Variants in FFAR1 observed in about 807,000 individuals in gnomAD.
The protein encoded by FFAR1 is G-protein coupled receptor 40.
For missense variants in FFAR1, 424 were observed against 396.2 expected (o/e 1.07, Z -0.60); for synonymous variants, 216 against 201.5 (o/e 1.07, Z -0.61).
At chr19:35,352,034 C>A in exon 1 of FFAR1, 1 of 1,614,054 alleles carries the variant, frequency 6.2e-7, no homozygotes, top group Non-Finnish European at 8.5e-7. Flanking sequence ...TGGGCATCAA[C>A]ACACCGGTCA....
At chr19:35,350,604 A>G (rs1328047903), upstream of FFAR1, among the ~76,000 whole-genome samples, 1 of 152,044 alleles carries the variant, frequency 6.6e-6, no homozygotes, top group Non-Finnish European at 1.5e-5. Context: ...CAGGACCCCA[A>G]TTCCTCCCTG....
chr19:35,348,076 G>A (rs1188192280), upstream of FFAR1, among the ~76,000 whole-genome samples: 1 of 152,220 alleles, frequency 6.6e-6, no homozygotes, highest in African/African-American at 2.4e-5. Context: ...GAGGGCAGGG[G>A]TGTAATTATC....
chr19:35,350,511 G>A (rs568519616), upstream of FFAR1, among the ~76,000 whole-genome samples: 1 of 152,284 alleles, frequency 6.6e-6, no homozygotes, highest in East Asian at 1.9e-4. Flanking sequence ...GGAGGGCTGG[G>A]GAGGGAATAG....
At chr19:35,351,757 C>A (rs1344990107) in exon 1 of FFAR1, 1 of 1,567,008 alleles carries the variant, frequency 6.4e-7, no homozygotes, top group Admixed American at 1.9e-5. Flanking sequence ...GCGCTAGCCT[C>A]CGGGGCCTGG....
chr19:35,351,926 G>T (rs1287654084), exon 1 of FFAR1: 1 of 1,614,146 alleles, frequency 6.2e-7, no homozygotes, highest in Admixed American at 1.7e-5. Flanking sequence ...ATTCCTGGGG[G>T]GTGTGCGCGG....
upstream of FFAR1, among the ~76,000 whole-genome samples, chr19:35,348,685 C>T (rs1252223458): frequency 6.6e-6 from 1 of 152,176 alleles, no homozygotes; most frequent in East Asian, 1.9e-4. Context: ...TCATTCAACT[C>T]TTTCTTCATT....
At chr19:35,348,862 C>T (rs2066932594), upstream of FFAR1, among the ~76,000 whole-genome samples, 1 of 152,200 alleles carries the variant, frequency 6.6e-6, no homozygotes, top group South Asian at 2.1e-4. Flanking sequence ...AGTCCTAAGC[C>T]TGAAGGGCCT....
upstream of FFAR1, chr19:35,351,535 G>GCC: frequency 6.5e-7 from 1 of 1,538,496 alleles, no homozygotes; most frequent in South Asian, 1.2e-5. Context: ...AGCCGTGCAG[G>GCC]CCAGGACGGC....
Position 35,351,580 on chromosome 19 carries a change from G to C in FFAR1, c.29G>C (p.Gly10Ala), listed in dbSNP as rs1331102167. The change falls in exon 1 of 1, where the codon GGC (glycine) becomes GCC (alanine). Residue 10 changes from glycine to alanine, a missense_variant. Physicochemically the swap from Gly to Ala is moderately conservative, Grantham distance 60. Coordinates refer to ENST00000246553, the Ensembl canonical transcript of FFAR1. ...GACCTGCCCCCGCAGCTCTCCTTCG[G>C]CCTCTATGTGGCCGCCTTTGCGCTG... The C allele has an allele frequency of 4.2e-5, 65 of 1,540,882 alleles. No individual in the cohort carries two copies. Among genetic ancestry groups the C allele is most frequent in the Non-Finnish European group, 5.4e-5 (62 of 1,146,796 alleles).
chr19:35,351,930 T>G lies in FFAR1; in HGVS notation c.379T>G (p.Cys127Gly), dbSNP rs1194451838. The change falls in exon 1 of 1, where the codon TGC (cysteine) becomes GGC (glycine). Residue 127 changes from cysteine (C) to glycine (G), a missense_variant. By Grantham distance (159) the Cys-to-Gly change is radical (BLOSUM62 -3). Transcript: ENST00000246553. Reference sequence around the variant, plus strand: ...GAGGCCGTGCTATTCCTGGGGGGTGTGCGCGGCCATCTGGGCCCTCGTCCT... The same window carrying G: ...GAGGCCGTGCTATTCCTGGGGGGTGGGCGCGGCCATCTGGGCCCTCGTCCT... 7 of 1,613,932 alleles carry G rather than the reference T, an allele frequency of 4.3e-6. No homozygotes were observed. The African/African-American group carries it at 6.7e-5, about 15-fold the overall frequency.
chr19:35,351,268 C>T (rs1353613314), upstream of FFAR1, among the ~76,000 whole-genome samples: 4 of 152,316 alleles, frequency 2.6e-5, no homozygotes, highest in East Asian at 3.9e-4. Context: ...TCTCCTGTGA[C>T]GCTGCAGGAG....
rs199506594 is a variant in FFAR1, at chr19:35,351,934, C to A, written c.383C>A (p.Ala128Glu). The change falls in exon 1 of 1, where the codon GCG becomes GAG. Residue 128 changes from alanine to glutamate, a missense_variant. By Grantham distance (107) the Ala-to-Glu change is moderately radical. Transcript: ENST00000246553. ...CCGTGCTATTCCTGGGGGGTGTGCG[C>A]GGCCATCTGGGCCCTCGTCCTGTGT... is the stretch of plus-strand genomic sequence containing the variant. The A allele has an allele frequency of 1.2e-6, 2 of 1,614,130 alleles. No homozygotes were observed. The highest frequency in any genetic ancestry group is 3.3e-5 in the Admixed American group (2 of 60,034).
exon 1 of FFAR1, chr19:35,352,089 G>C: frequency 1.2e-6 from 2 of 1,612,882 alleles, no homozygotes; most frequent in Non-Finnish European, 1.7e-6. Flanking sequence ...GGCCTCTGCC[G>C]GCCCGGCCCG....
rs749018739 is a variant in FFAR1, at chr19:35,352,105, GCCTCTCTCT to G, written c.558_566del (p.Ser187_Leu189del). On this transcript the variant is annotated inframe_deletion, in exon 1 of 1. Coordinates refer to ENST00000246553, the Ensembl canonical transcript of FFAR1. ...GCCTCTGCCGGCCCGGCCCGCTTCA[GCCTCTCTCT>G]CCTGCTCTTTTTTCTGCCCTTGGCC... is the stretch of plus-strand genomic sequence containing the variant. 2.5e-6 allele frequency: 4 copies of G among 1,612,504 alleles called. No individual in the cohort carries two copies. In the South Asian group the frequency reaches 4.4e-5, roughly 18 times the overall value.
At chr19:35,350,417 G>T (rs1255738001), upstream of FFAR1, among the ~76,000 whole-genome samples, 1 of 152,196 alleles carries the variant, frequency 6.6e-6, no homozygotes, top group African/African-American at 2.4e-5. Flanking sequence ...GTGTTGTCAG[G>T]GGTGAGCCAG....
exon 1 of FFAR1, chr19:35,353,153 C>A: frequency 6.5e-6 from 1 of 153,256 alleles, no homozygotes; most frequent in South Asian, 2.0e-4. Flanking sequence ...TACTGTTGAC[C>A]AAAAGCTTTA....
chr19:35,349,408 G>A (rs567901717), upstream of FFAR1, among the ~76,000 whole-genome samples: 2 of 152,338 alleles, frequency 1.3e-5, no homozygotes, highest in East Asian at 3.9e-4. Context: ...TCTTGCTGCA[G>A]GAGGGGAAAC....
chr19:35,352,068 G>T, exon 1 of FFAR1: 1 of 1,613,460 alleles, frequency 6.2e-7, no homozygotes, highest in Non-Finnish European at 8.5e-7. Flanking sequence ...CTGCCTGGAG[G>T]CCTGGGACCC....
chr19:35,350,027 C>T (rs1319634205), upstream of FFAR1, among the ~76,000 whole-genome samples: 7 of 152,148 alleles, frequency 4.6e-5, no homozygotes, highest in African/African-American at 1.2e-4. Flanking sequence ...CGCAGCCGGC[C>T]GGTGCCACAT....
Sources: gnomAD v4.1 joint callset for allele counts (sites outside exome capture counted in the v4.1 genomes callset) on GRCh38, gnomAD v4.1.1 for gene constraint, MANE v1.5 for transcripts, NCBI Gene and HGNC (gene_info 2026-07-23, HGNC 2026-07-21) for gene names.